The following ZC3H12B variants were observed in gnomAD, a reference collection of about 807,000 sequenced individuals.
The protein encoded by ZC3H12B is probable ribonuclease ZC3H12B.
Under a neutral mutation model 43.9 loss-of-function variants are expected in ZC3H12B, and 7 were observed. The observed-to-expected ratio is 0.16, with a 90% confidence interval of 0.09 to 0.30. The LOEUF (loss-of-function observed/expected upper bound fraction) is 0.30. Ranked by LOEUF, ZC3H12B falls within the 10% of genes least tolerant of loss-of-function variation. The probability of loss-of-function intolerance (pLI) is 1.00; values close to 1 mark genes in which losing one functional copy is unlikely to be tolerated. For synonymous variants in ZC3H12B, 222 were observed against 241.7 expected (o/e 0.92, Z 0.76); for missense variants, 475 against 670.2 (o/e 0.71, Z 3.22).
chrX:65,311,304 A>AAAAC, the ZC3H12B span, among the ~76,000 whole-genome samples: 1 of 111,325 alleles, frequency 9.0e-6, no homozygotes, highest in Non-Finnish European at 1.9e-5. Context: ...TTACAAGAAA[A>AAAAC]AAACAACCCC....
chrX:65,131,456 T>G, the ZC3H12B span, among the ~76,000 whole-genome samples: 1 of 111,411 alleles, frequency 9.0e-6, no homozygotes, highest in African/African-American at 3.3e-5. Flanking sequence ...GAATTTTGAC[T>G]GCACTGCCCT....
chrX:65,086,743 G>GAC, the ZC3H12B span, among the ~76,000 whole-genome samples: 5 of 112,125 alleles, frequency 4.5e-5, no homozygotes, highest in African/African-American at 6.5e-5. Flanking sequence ...GGACTTTCCT[G>GAC]TCTCCAGAAC....
chrX:65,273,994 G>T, the ZC3H12B span, among the ~76,000 whole-genome samples: 1 of 112,081 alleles, frequency 8.9e-6, no homozygotes, highest in Non-Finnish European at 1.9e-5. Flanking sequence ...GGAGATTGTT[G>T]GAGTGTAGCA....
At chrX:65,161,866 G>C in the ZC3H12B span, among the ~76,000 whole-genome samples, 1 of 111,671 alleles carries the variant, frequency 9.0e-6, no homozygotes. Context: ...TAGCCTCGAT[G>C]GTCTTTAGAA....
chrX:65,264,735 A>G, the ZC3H12B span, among the ~76,000 whole-genome samples: 1 of 111,614 alleles, frequency 9.0e-6, no homozygotes, highest in South Asian at 3.7e-4. Flanking sequence ...TTAAATAGTA[A>G]AAGCAAGTCT....
At chrX:65,236,126 CAA>C in the ZC3H12B span, among the ~76,000 whole-genome samples, 2 of 111,766 alleles carry the variant, frequency 1.8e-5, no homozygotes, top group Non-Finnish European at 3.8e-5. Context: ...AGGAAATAAA[CAA>C]GAGAGAGAGG....
At chrX:65,183,160 A>G in the ZC3H12B span, among the ~76,000 whole-genome samples, 3 of 111,983 alleles carry the variant, frequency 2.7e-5, no homozygotes, top group African/African-American at 9.7e-5. Flanking sequence ...TAGCAAAGAC[A>G]TATAATCAAT....
chrX:65,204,506 A>G, the ZC3H12B span, among the ~76,000 whole-genome samples: 6 of 112,133 alleles, frequency 5.4e-5, no homozygotes, highest in African/African-American at 1.9e-4. Context: ...TGACAGAGAA[A>G]ATCACATTTT....
chrX:65,332,565 A>G, the ZC3H12B span, among the ~76,000 whole-genome samples: 14 of 111,372 alleles, frequency 1.3e-4, no homozygotes, highest in Non-Finnish European at 1.7e-4. Flanking sequence ...TGAGTCCAGT[A>G]TGTGTTTAGA....
At chrX:65,303,252 T>C in the ZC3H12B span, among the ~76,000 whole-genome samples, 2 of 111,436 alleles carry the variant, frequency 1.8e-5, no homozygotes, top group East Asian at 5.6e-4. Context: ...CAAAAAGAAC[T>C]ATTGATTATC....
chrX:65,502,385 C>G (rs2068379088), exon 5 of ZC3H12B: 2 of 1,209,301 alleles, frequency 1.7e-6, no homozygotes, highest in African/African-American at 3.5e-5. Context: ...CATGCATAAC[C>G]GAGAGTATTA....
At chrX:65,291,765 T>G in the ZC3H12B span, among the ~76,000 whole-genome samples, 1 of 112,198 alleles carries the variant, frequency 8.9e-6, no homozygotes, top group Non-Finnish European at 1.9e-5. Flanking sequence ...CTTTAAAATT[T>G]GTTAAAGGGT....
At chrX:65,448,677 C>T (rs1374641218) in intron 3 of ZC3H12B, among the ~76,000 whole-genome samples, 1 of 109,430 alleles carries the variant, frequency 9.1e-6, no homozygotes, top group Non-Finnish European at 1.9e-5. Flanking sequence ...ATTAGCTGGA[C>T]GTGGTGGCAC....
intron 1 of ZC3H12B, among the ~76,000 whole-genome samples, chrX:65,493,427 A>T (rs2068234390): frequency 8.9e-6 from 1 of 111,889 alleles, no homozygotes; most frequent in Non-Finnish European, 1.9e-5. Flanking sequence ...TGCCATTAGC[A>T]GCATTTGGTT....
the ZC3H12B span, among the ~76,000 whole-genome samples, chrX:65,248,296 C>A: frequency 9.0e-6 from 1 of 111,269 alleles, no homozygotes; most frequent in Non-Finnish European, 1.9e-5. Context: ...TCCCAAAGTG[C>A]TGGGATTACA....
chrX:65,321,197 C>A, the ZC3H12B span, among the ~76,000 whole-genome samples: 14 of 108,902 alleles, frequency 1.3e-4, no homozygotes, highest in African/African-American at 3.7e-4. Context: ...GGATGTACAA[C>A]AAAAAAAACT....
At chrX:65,318,960 G>A in the ZC3H12B span, among the ~76,000 whole-genome samples, 1 of 111,050 alleles carries the variant, frequency 9.0e-6, no homozygotes, top group East Asian at 2.8e-4. Context: ...CTAAATGCTG[G>A]CATCGAAAAG....
chrX:65,500,103 T>C, intron 4 of ZC3H12B, 114 bp downstream of exon 9: 1 of 576,813 alleles, frequency 1.7e-6, no homozygotes. Context: ...TTGTCCACTG[T>C]CTTTGAGTTA....
At chrX:65,378,902 G>A (rs142722437) in intron 2 of ZC3H12B, among the ~76,000 whole-genome samples, 1,324 of 112,504 alleles carry the variant, frequency 0.012, 38 homozygotes, top group Admixed American at 0.075. Context: ...TTTCCGATGG[G>A]CATAAAAAAT....
Sources: allele counts gnomAD v4.1 joint callset (sites outside exome capture counted in the v4.1 genomes callset), GRCh38; gene constraint gnomAD v4.1.1; transcripts MANE v1.5; gene names NCBI Gene and HGNC (gene_info 2026-07-23, HGNC 2026-07-21).